AACS: variants seen among roughly 807,000 people sequenced by gnomAD.
AACS encodes acetoacetate-CoA ligase.
A neutral mutation model predicts 83.1 loss-of-function variants in AACS; 69 were observed. The ratio of observed to expected loss-of-function variants is 0.83; its 90% CI spans 0.68 to 1.01. The LOEUF (loss-of-function observed/expected upper bound fraction) is 1.01, where lower values mean the gene tolerates loss of function less well. Among genes scored for constraint, AACS ranks in the 50% least tolerant of loss-of-function variants. The probability of loss-of-function intolerance (pLI) is 0.00; values close to 1 mark genes in which losing one functional copy is unlikely to be tolerated. For synonymous variants in AACS, 333 were observed against 343.4 expected (o/e 0.97, Z 0.33); for missense variants, 866 against 882.2 (o/e 0.98, Z 0.23).
intron 8 of AACS, among the ~76,000 whole-genome samples, chr12:125,110,620 A>G (rs1956935178): frequency 1.3e-5 from 2 of 152,166 alleles, no homozygotes; most frequent in Admixed American, 1.3e-4. Flanking sequence ...CTCAGCCTAT[A>G]GGGAGGAGAA....
At chr12:125,067,691 G>C (rs1955742306) in intron 1 of AACS, among the ~76,000 whole-genome samples, 1 of 152,020 alleles carries the variant, frequency 6.6e-6, no homozygotes. Flanking sequence ...CTGCCACTAT[G>C]CCCGGCTAAT....
intron 5 of AACS, among the ~76,000 whole-genome samples, chr12:125,092,264 G>T (rs1471454233): frequency 6.6e-6 from 1 of 152,218 alleles, no homozygotes; most frequent in African/African-American, 2.4e-5. Flanking sequence ...GTCCCTGACC[G>T]CTCCTCCTGG....
chr12:125,090,900 T>C, intron 4 of AACS: 1 of 170,398 alleles, frequency 5.9e-6, no homozygotes, highest in Non-Finnish European at 1.3e-5. Context: ...GCAGTTATGC[T>C]AAGTTTGGTG....
chr12:125,134,611 A>C (rs1186183049), intron 15 of AACS, among the ~76,000 whole-genome samples, 183 bp from the exon 16 acceptor site: 1 of 152,130 alleles, frequency 6.6e-6, no homozygotes, highest in Non-Finnish European at 1.5e-5. Context: ...CCTCGATGGA[A>C]AGCTTTAACC....
intron 12 of AACS, 23 bp downstream of exon 12, chr12:125,125,047 C>T (rs1957225277): frequency 6.2e-7 from 1 of 1,613,680 alleles, no homozygotes; most frequent in East Asian, 2.2e-5. Context: ...TGGGGACAGT[C>T]CTTCCAGCCA....
At chr12:125,100,713 G>A (rs925712917) in intron 5 of AACS, among the ~76,000 whole-genome samples, 3 of 152,122 alleles carry the variant, frequency 2.0e-5, no homozygotes, top group South Asian at 2.1e-4. Flanking sequence ...CAGAGTGTCC[G>A]ATTCATTAGG....
In AACS at chr12:125,094,292, T is replaced by G. The variant is rs1956556023; in HGVS notation, c.570+2769T>G. Among the ~76,000 whole-genome samples, 1 of 152,246 alleles carries G rather than the reference T, an allele frequency of 6.6e-6. No homozygotes were observed. Among genetic ancestry groups the G allele is most frequent in the African/African-American group, 2.4e-5 (1 of 41,470 alleles). On this transcript the variant is annotated intron_variant, in intron 5 of 17. Coordinates refer to ENST00000316519, the MANE Select transcript of AACS (RefSeq NM_023928.5). The surrounding 1 kb of genome is among the most constrained non-coding windows in gnomAD (Gnocchi z 4.1). Reference sequence around the variant, plus strand: ...TCAGTAAGGGGCGCTCTTCAGAAACTGCAATGAAGCGTGAATGTCTTCCCT... The same window carrying G: ...TCAGTAAGGGGCGCTCTTCAGAAACGGCAATGAAGCGTGAATGTCTTCCCT...
At chr12:125,091,725 CA>C (rs1956490769) in intron 5 of AACS, among the ~76,000 whole-genome samples, 1 of 152,260 alleles carries the variant, frequency 6.6e-6, no homozygotes, top group Non-Finnish European at 1.5e-5. Flanking sequence ...GACGTTCCCC[CA>C]CTCCTCGCCG....
At chr12:125,081,792 A>G (rs1956193344) in intron 3 of AACS, among the ~76,000 whole-genome samples, 1 of 151,612 alleles carries the variant, frequency 6.6e-6, no homozygotes, top group African/African-American at 2.4e-5. Context: ...AATGTGGGAG[A>G]GGTAATAAAA....
intron 2 of AACS, 130 bp from the exon 3 acceptor site, chr12:125,076,361 G>A: frequency 2.4e-6 from 3 of 1,263,768 alleles, no homozygotes; most frequent in African/African-American, 1.5e-5. Context: ...AAAATGCTCT[G>A]GGCCAATGAG....
intron 3 of AACS, among the ~76,000 whole-genome samples, chr12:125,085,218 C>T (rs1956303331): frequency 6.6e-6 from 1 of 152,250 alleles, no homozygotes; most frequent in Non-Finnish European, 1.5e-5. Context: ...GTGCATGTTT[C>T]ATCCATGTCT....
rs1210146261 is a variant in AACS at position 125,129,860 on chromosome 12, G to C, written c.1549+400G>C. On this transcript the variant is annotated intron_variant, in intron 14 of 17. Transcript: ENST00000316519. This position sits in a 1 kb window ranked among gnomAD's most constrained non-coding sequence, Gnocchi z 4.3. ...GCGTCTGGCTCGGGTCTCTTCCTTCGTGTCTCTCACCATCATCCAGTCCTC... is the reference window on the plus strand; with the variant it reads ...GCGTCTGGCTCGGGTCTCTTCCTTCCTGTCTCTCACCATCATCCAGTCCTC... Among the ~76,000 whole-genome samples, 2 of 152,036 alleles carry C rather than the reference G, an allele frequency of 1.3e-5. No homozygotes were observed. Among genetic ancestry groups the C allele is most frequent in the African/African-American group, 4.8e-5 (2 of 41,390 alleles).
At chr12:125,093,241 C>T (rs1956527717) in intron 5 of AACS, among the ~76,000 whole-genome samples, 1 of 152,196 alleles carries the variant, frequency 6.6e-6, no homozygotes, top group Non-Finnish European at 1.5e-5. Flanking sequence ...ATCATGGCCT[C>T]CCAGAGCTGG....
At chr12:125,066,827 G>A (rs1955714241) in intron 1 of AACS, among the ~76,000 whole-genome samples, 1 of 152,012 alleles carries the variant, frequency 6.6e-6, no homozygotes, top group African/African-American at 2.4e-5. Flanking sequence ...TCTGTTGGTG[G>A]CGTCACTGTT....
intron 1 of AACS, 134 bp from the exon 2 acceptor site, chr12:125,073,742 C>T: frequency 1.5e-6 from 1 of 657,172 alleles, no homozygotes; most frequent in Non-Finnish European, 2.6e-6. Flanking sequence ...TAAGCTCCTT[C>T]CTCCCCCAGA....
chr12:125,077,173 C>T (rs1301327115), intron 3 of AACS, among the ~76,000 whole-genome samples: 4 of 151,232 alleles, frequency 2.6e-5, no homozygotes, highest in Admixed American at 6.6e-5. Context: ...ATCTTGGTTT[C>T]CCAGAGTGTT....
In AACS at chr12:125,129,510, G is replaced by T; in HGVS notation, c.1549+50G>T. 6.3e-7 allele frequency: 1 copy of T among 1,595,032 alleles called. No homozygotes were observed. ...GCTGGCCAGCCTCTGCCTTGGCTGG[G>T]CCTTCTGTGTCTAATTCTGTACCAT... On this transcript the variant is annotated intron_variant, in intron 14 of 17. Coordinates refer to ENST00000316519, the MANE Select transcript of AACS (RefSeq NM_023928.5). The surrounding 1 kb of genome is among the most constrained non-coding windows in gnomAD (Gnocchi z 4.3).
chr12:125,124,500 C>T, intron 10 of AACS: 1 of 597,288 alleles, frequency 1.7e-6, no homozygotes, highest in Non-Finnish European at 2.9e-6. Context: ...GTGCTGAAAT[C>T]AGTGTAAAGA....
chr12:125,136,991 G>GTGGA, intron 17 of AACS, 127 bp downstream of exon 17: 1 of 906,098 alleles, frequency 1.1e-6, no homozygotes, highest in Non-Finnish European at 1.7e-6. Context: ...GCCTAGCAAC[G>GTGGA]CCATCCTCTC....
Sources: gnomAD v4.1 joint callset for allele counts (sites outside exome capture counted in the v4.1 genomes callset) on GRCh38, gnomAD v4.1.1 for gene constraint, Gnocchi (gnomAD v3.1) non-coding constraint, MANE v1.5 for transcripts, NCBI Gene and HGNC (gene_info 2026-07-23, HGNC 2026-07-21) for gene names.